The following ARSB variants were observed in gnomAD, a reference collection of about 807,000 sequenced individuals.
The protein encoded by ARSB is arylsulfatase B.
In ARSB, 41 loss-of-function variants were observed where a neutral mutation model predicts 50.9. That is an observed-to-expected ratio of 0.81 (90% CI 0.63 to 1.04). The LOEUF (loss-of-function observed/expected upper bound fraction) is 1.04, where lower values mean the gene tolerates loss of function less well. ARSB is among the 50% of genes least tolerant of loss of function. The probability of loss-of-function intolerance (pLI) is 0.00; values close to 1 mark genes in which losing one functional copy is unlikely to be tolerated. For synonymous variants in ARSB, 269 were observed against 284.8 expected, an observed-to-expected ratio of 0.94 and a Z score of 0.56; for missense variants, 672 against 693.3, an observed-to-expected ratio of 0.97 and a Z score of 0.35.
chr5:78,858,162 G>C (rs888430844), intron 5 of ARSB, among the ~76,000 whole-genome samples: 1 of 152,120 alleles, frequency 6.6e-6, no homozygotes, highest in African/African-American at 2.4e-5. Flanking sequence ...GTGTCTCCTT[G>C]AATGTATGGT....
rs368030435 is a variant in ARSB at position 78,841,168 on chromosome 5, C to CTACTACTAATAA, written c.1143-1743_1143-1742insTTATTAGTAGTA. ...ACTACTACTACTACTACTACTACTACTAATAATAATAATAATTTGAGCATG... is the reference window on the plus strand; with the variant it reads ...ACTACTACTACTACTACTACTACTACTACTACTAATAATAATAATAATAATAATTTGAGCATG... On this transcript the variant is annotated intron_variant, in intron 5 of 7. Transcript: ENST00000264914. Among the ~76,000 whole-genome samples the CTACTACTAATAA allele has an allele frequency of 5.6e-3, 744 of 131,996 alleles. 3 individuals carry two copies. Among genetic ancestry groups the CTACTACTAATAA allele is most frequent in the Middle Eastern group, 0.019 (5 of 262 alleles). The allele number at this position is 131,996 out of a possible 152,430, so 86.6% of individuals were successfully genotyped here.
intron 4 of ARSB, among the ~76,000 whole-genome samples, chr5:78,946,802 A>G (rs1751256466): frequency 1.3e-5 from 2 of 152,208 alleles, no homozygotes; most frequent in Admixed American, 6.5e-5. Context: ...TGGAACCACA[A>G]AAGACCCAGA....
intron 4 of ARSB, among the ~76,000 whole-genome samples, chr5:78,937,836 C>T (rs1750706719): frequency 6.6e-6 from 1 of 151,916 alleles, no homozygotes; most frequent in African/African-American, 2.4e-5. Context: ...CACAGAAAAC[C>T]AAAACAAATA....
chr5:78,977,004 C>T (rs1195432158), intron 1 of ARSB, among the ~76,000 whole-genome samples: 5 of 152,212 alleles, frequency 3.3e-5, no homozygotes, highest in African/African-American at 9.7e-5. Context: ...AGGATATGTG[C>T]ATGGCTGACT....
rs986066683 is a variant in ARSB at position 78,780,178 on chromosome 5, C to T, written c.*219G>A. 2.3e-5 allele frequency: 14 copies of T among 595,922 alleles called. No homozygotes were observed. Among genetic ancestry groups the T allele is most frequent in the South Asian group, 4.0e-5 (2 of 50,298 alleles). 36.9% of individuals were successfully genotyped at this position (595,922 alleles called of 1,614,324 possible). A position where few individuals can be genotyped will look rare whatever the true frequency, so the allele number is the denominator to read the frequency against. On this transcript the variant is annotated 3_prime_UTR_variant, in exon 8 of 8. Transcript: ENST00000264914. ...AGGAAAGGGGGATAAACCCAGCCAC[C>T]CCCACCTCTAGACACATGCTCCAGC... is the stretch of plus-strand genomic sequence containing the variant.
At chr5:78,891,773 C>G (rs1214208309) in intron 4 of ARSB, among the ~76,000 whole-genome samples, 1 of 152,102 alleles carries the variant, frequency 6.6e-6, no homozygotes, top group Non-Finnish European at 1.5e-5. Context: ...ACTAGTTATA[C>G]TATTAGGTAT....
At chr5:78,791,164 A>C (rs576927991) in intron 6 of ARSB, among the ~76,000 whole-genome samples, 41 of 152,346 alleles carry the variant, frequency 2.7e-4, no homozygotes, top group African/African-American at 9.9e-4. Context: ...AAACTTACTC[A>C]CTTGGGCTAA....
chr5:78,901,226 CT>C (rs1748791439), intron 4 of ARSB, among the ~76,000 whole-genome samples: 1 of 152,084 alleles, frequency 6.6e-6, no homozygotes, highest in Admixed American at 6.6e-5. Flanking sequence ...TTAATTTGGT[CT>C]GCAATCTTAA....
intron 2 of ARSB, 49 bp from the exon 3 acceptor site, chr5:78,964,655 A>C: frequency 6.4e-7 from 1 of 1,556,838 alleles, no homozygotes; most frequent in Non-Finnish European, 8.8e-7. Flanking sequence ...AAACTTGTTA[A>C]ACAAACTAAT....
intron 4 of ARSB, among the ~76,000 whole-genome samples, chr5:78,922,214 A>T (rs338458): frequency 1.4e-5 from 2 of 138,788 alleles, no homozygotes; most frequent in Non-Finnish European, 1.5e-5. Context: ...GGGGGGGAGG[A>T]GGGGGCACGT....
At chr5:78,943,063 T>A (rs1275565127) in intron 4 of ARSB, among the ~76,000 whole-genome samples, 1 of 152,216 alleles carries the variant, frequency 6.6e-6, no homozygotes, top group Non-Finnish European at 1.5e-5. Flanking sequence ...TTGATCTTTG[T>A]TGGTTTAAAG....
intron 1 of ARSB, among the ~76,000 whole-genome samples, chr5:78,976,828 A>G (rs761698429): frequency 3.3e-5 from 5 of 152,200 alleles, no homozygotes; most frequent in Non-Finnish European, 7.3e-5. Flanking sequence ...ACACTTTTTA[A>G]TGGGTGGGCA....
intron 6 of ARSB, among the ~76,000 whole-genome samples, chr5:78,806,254 G>A (rs1464580667): frequency 6.6e-6 from 1 of 152,136 alleles, no homozygotes; most frequent in Non-Finnish European, 1.5e-5. Flanking sequence ...CAATAACAAA[G>A]TCACAGTGTC....
intron 5 of ARSB, among the ~76,000 whole-genome samples, chr5:78,875,260 A>C (rs924810466): frequency 1.3e-5 from 2 of 152,230 alleles, no homozygotes; most frequent in African/African-American, 4.8e-5. Context: ...ACTTCTAAAT[A>C]CATGGTTCAA....
chr5:78,800,828 T>G (rs989050334), intron 6 of ARSB, among the ~76,000 whole-genome samples: 1 of 151,954 alleles, frequency 6.6e-6, no homozygotes, highest in Non-Finnish European at 1.5e-5. Flanking sequence ...CTATTTCTGG[T>G]TGGTTGGAGG....
chr5:78,784,642 A>C lies in ARSB; in HGVS notation c.1214-2668T>G, dbSNP rs184111549. On this transcript the variant is annotated intron_variant, in intron 6 of 7. Coordinates refer to ENST00000264914, the MANE Select transcript of ARSB (RefSeq NM_000046.5). ...TTTTGATAACTTGTATTTTATTAGGAATTTGTGTAGTACATGTGAACTTTT... is the reference window on the plus strand; with the variant it reads ...TTTTGATAACTTGTATTTTATTAGGCATTTGTGTAGTACATGTGAACTTTT... Among the ~76,000 whole-genome samples, 10 of 152,200 alleles carry C rather than the reference A, an allele frequency of 6.6e-5. No homozygotes were observed. The East Asian group carries it at 1.9e-3, about 29-fold the overall frequency.
At chr5:78,895,250 G>T (rs1254205265) in intron 4 of ARSB, among the ~76,000 whole-genome samples, 1 of 152,198 alleles carries the variant, frequency 6.6e-6, no homozygotes, top group Non-Finnish European at 1.5e-5. Context: ...AATCTTTGTA[G>T]AAGGAGGAAA....
chr5:78,911,798 T>C (rs1749325273), intron 4 of ARSB, among the ~76,000 whole-genome samples: 1 of 152,032 alleles, frequency 6.6e-6, no homozygotes, highest in African/African-American at 2.4e-5. Context: ...GACCACAGAA[T>C]CTCAATACAA....
In ARSB at chr5:78,792,942, C is replaced by A. The variant is rs868634466; in HGVS notation, c.1214-10968G>T. On this transcript the variant is annotated intron_variant, in intron 6 of 7. Coordinates refer to ENST00000264914, the MANE Select transcript of ARSB (RefSeq NM_000046.5). ...GGAATATGTGGTAACATTTTCCCCA[C>A]ATAACCTGTAGTGGTATGCCACACT... Among the ~76,000 whole-genome samples the A allele has an allele frequency of 7.4e-4, 112 of 152,122 alleles. 1 individual carries two copies. Among genetic ancestry groups the A allele is most frequent in the Admixed American group, 7.9e-4 (12 of 15,276 alleles).
Sources: allele counts gnomAD v4.1 joint callset (sites outside exome capture counted in the v4.1 genomes callset), GRCh38; gene constraint gnomAD v4.1.1; transcripts MANE v1.5; gene names NCBI Gene and HGNC (gene_info 2026-07-23, HGNC 2026-07-21).